Variants in PREX2 observed in about 807,000 individuals in gnomAD.
PREX2 encodes the protein phosphatidylinositol-3,4,5-trisphosphate dependent Rac exchange factor 2.
Under a neutral mutation model 203.2 loss-of-function variants are expected in PREX2, and 107 were observed. The observed-to-expected ratio is 0.53, with a 90% CI of 0.45 to 0.62. The LOEUF (loss-of-function observed/expected upper bound fraction) is 0.62. PREX2 is among the 20% of genes least tolerant of loss of function. The pLI is 0.00. For synonymous variants in PREX2, 672 were observed against 663.6 expected, an observed-to-expected ratio of 1.01 and a Z score of -0.19; for missense variants, 1,777 against 1,955.9, an observed-to-expected ratio of 0.91 and a Z score of 1.72.
chr8:68,124,424 T>C (rs1274725942), intron 30 of PREX2, among the ~76,000 whole-genome samples: 1 of 151,884 alleles, frequency 6.6e-6, no homozygotes, highest in Non-Finnish European at 1.5e-5. Flanking sequence ...CATTTATAAG[T>C]GGAAGCTAAA....
chr8:68,011,380 C>T (rs531660265), intron 1 of PREX2, among the ~76,000 whole-genome samples: 118 of 151,718 alleles, frequency 7.8e-4, no homozygotes, highest in Non-Finnish European at 1.1e-3. Flanking sequence ...GAAATGGCTA[C>T]GGCTACAAAG....
In PREX2 at chr8:68,108,162, TAAA is replaced by T. The variant is rs1312026833; in HGVS notation, c.2771_2773del (p.Lys924del). 2 of 1,613,968 alleles carry T rather than the reference TAAA, an allele frequency of 1.2e-6. No individual in the cohort carries two copies. The highest frequency in any genetic ancestry group is 1.1e-5 in the South Asian group (1 of 91,076). ...GGCCTACTTTTAAACAGGCCAAATC[TAAA>T]ATCTCCCCACTGCACAGCAGTGATT... On this transcript the variant is annotated inframe_deletion, in exon 24 of 40. Coordinates refer to ENST00000288368, the MANE Select transcript of PREX2 (RefSeq NM_024870.4).
intron 37 of PREX2, among the ~76,000 whole-genome samples, chr8:68,200,293 A>G (rs538917117): frequency 6.6e-6 from 1 of 152,154 alleles, no homozygotes; most frequent in Non-Finnish European, 1.5e-5. Context: ...AAGACAAAAT[A>G]TATCCTACTC....
chr8:68,044,639 C>T, intron 8 of PREX2, 49 bp downstream of exon 8: 1 of 1,296,398 alleles, frequency 7.7e-7, no homozygotes, highest in Non-Finnish European at 1.1e-6. Context: ...AAATAGAAAA[C>T]TCCTTTGTAA....
intron 34 of PREX2, among the ~76,000 whole-genome samples, chr8:68,155,245 G>C (rs943115928): frequency 2.0e-5 from 3 of 152,118 alleles, no homozygotes; most frequent in Admixed American, 1.3e-4. Context: ...AGTTTCCTGG[G>C]CTCCTTCCCA....
At chr8:68,081,757 T>C (rs958456488) in intron 17 of PREX2, among the ~76,000 whole-genome samples, 1 of 152,138 alleles carries the variant, frequency 6.6e-6, no homozygotes, top group Non-Finnish European at 1.5e-5. Flanking sequence ...TCCAGTGGCA[T>C]GATCTCGGCT....
intron 24 of PREX2, 65 bp downstream of exon 24, chr8:68,108,396 G>A (rs1432848332): frequency 3.5e-6 from 4 of 1,145,258 alleles, no homozygotes; most frequent in Non-Finnish European, 5.1e-6. Flanking sequence ...AGCTATTCAT[G>A]CATCCCTGAA....
In PREX2 at chr8:68,119,486, A is replaced by C; in HGVS notation, c.3476A>C (p.His1159Pro). Residue 1159 changes from histidine (H) to proline (P), a missense_variant, in exon 28 of 40, where the codon CAT (histidine) becomes CCT (proline). By Grantham distance (77) the His-to-Pro change is moderately conservative. Coordinates refer to ENST00000288368, the MANE Select transcript of PREX2 (RefSeq NM_024870.4). Reference sequence around the variant, plus strand: ...TCTCATGATAAACAGGACAAGATACATAGTTGCCTTGAGCATCTTTTCAGC... The same window carrying C: ...TCTCATGATAAACAGGACAAGATACCTAGTTGCCTTGAGCATCTTTTCAGC... ...RISHDKQDKI[H>P]SCLEHLFSQV... is the part of the protein sequence containing the mutation. 1.2e-6 allele frequency: 2 copies of C among 1,613,800 alleles called. No homozygotes were observed. Among genetic ancestry groups the C allele is most frequent in the Non-Finnish European group, 1.7e-6 (2 of 1,179,740 alleles).
At chr8:68,149,764 G>A (rs1042487324) in intron 34 of PREX2, among the ~76,000 whole-genome samples, 1 of 152,184 alleles carries the variant, frequency 6.6e-6, no homozygotes, top group African/African-American at 2.4e-5. Flanking sequence ...GAATCTCTGA[G>A]AAGTGGAGCC....
intron 37 of PREX2, among the ~76,000 whole-genome samples, chr8:68,193,274 G>T (rs183172349): frequency 1.2e-4 from 18 of 152,282 alleles, no homozygotes; most frequent in Non-Finnish European, 2.2e-4. Context: ...TTTAACCTAA[G>T]TAGGGAGCTA....
intron 9 of PREX2, among the ~76,000 whole-genome samples, chr8:68,054,579 C>T (rs1808620217): frequency 6.6e-6 from 1 of 152,192 alleles, no homozygotes; most frequent in Admixed American, 6.5e-5. Flanking sequence ...AATGTTGCTC[C>T]TTCAACAGTT....
intron 7 of PREX2, among the ~76,000 whole-genome samples, chr8:68,038,528 C>G (rs1450063317): frequency 1.3e-5 from 2 of 152,112 alleles, no homozygotes; most frequent in Non-Finnish European, 2.9e-5. Context: ...ATGCTGGGTC[C>G]TCAGAGCCCT....
chr8:68,204,277 G>A (rs1427922128), intron 37 of PREX2, among the ~76,000 whole-genome samples: 2 of 152,166 alleles, frequency 1.3e-5, no homozygotes, highest in South Asian at 2.1e-4. Context: ...CAATGAAACT[G>A]TGTCAAAGAA....
In PREX2 at chr8:68,013,918, G is replaced by A. The variant is rs556774629; in HGVS notation, c.142-3928G>A. ...ATGATACAAAATTCAGATTGGCATC[G>A]GGTATCTAGAATTAAAAGTATAAAT... On this transcript the variant is annotated intron_variant, in intron 1 of 39. Coordinates refer to ENST00000288368, the MANE Select transcript of PREX2 (RefSeq NM_024870.4). Among the ~76,000 whole-genome samples, 5 of 152,212 alleles carry A rather than the reference G, an allele frequency of 3.3e-5. No individual in the cohort carries two copies. The South Asian group carries it at 6.2e-4, about 19-fold the overall frequency.
intron 25 of PREX2, among the ~76,000 whole-genome samples, chr8:68,113,563 T>C (rs1040190766): frequency 1.3e-5 from 2 of 152,220 alleles, no homozygotes; most frequent in Non-Finnish European, 2.9e-5. Context: ...CTTTTGGTTA[T>C]TAAAAATGTT....
intron 35 of PREX2, among the ~76,000 whole-genome samples, chr8:68,188,248 T>G (rs1812228552): frequency 6.6e-6 from 1 of 152,136 alleles, no homozygotes. Context: ...TGTGTGATCC[T>G]GGGCACAAAA....
At chr8:68,002,995 AC>A (rs1422140543) in intron 1 of PREX2, among the ~76,000 whole-genome samples, 1 of 152,192 alleles carries the variant, frequency 6.6e-6, no homozygotes, top group African/African-American at 2.4e-5. Flanking sequence ...ATTGGTGCTT[AC>A]TATAATAATT....
At chr8:67,980,551 G>A (rs1177077091) in intron 1 of PREX2, among the ~76,000 whole-genome samples, 1 of 152,190 alleles carries the variant, frequency 6.6e-6, no homozygotes, top group Non-Finnish European at 1.5e-5. Flanking sequence ...TGTTTGGAGG[G>A]AACCTCCATT....
chr8:68,115,573 A>G (rs745523196), intron 25 of PREX2, among the ~76,000 whole-genome samples, 180 bp from the exon 26 acceptor site: 13 of 148,010 alleles, frequency 8.8e-5, no homozygotes, highest in Non-Finnish European at 1.6e-4. Context: ...TGTATGACTT[A>G]TTTTGTGAAG....
Sources: allele counts gnomAD v4.1 joint callset (sites outside exome capture counted in the v4.1 genomes callset), GRCh38; gene constraint gnomAD v4.1.1; transcripts MANE v1.5; gene names NCBI Gene and HGNC (gene_info 2026-07-23, HGNC 2026-07-21).